Variants in DGKB observed in about 807,000 individuals in gnomAD.
The protein encoded by DGKB is 90 kDa diacylglycerol kinase.
DGKB carries 67 observed loss-of-function variants against 114.3 expected under a neutral mutation model. The ratio of observed to expected loss-of-function variants is 0.59; its 90% CI spans 0.48 to 0.72. The LOEUF is 0.72. Among genes scored for constraint, DGKB ranks in the 30% least tolerant of loss-of-function variants. The probability of loss-of-function intolerance (pLI) is 0.00; values close to 1 mark genes in which losing one functional copy is unlikely to be tolerated. For synonymous variants in DGKB, 398 were observed against 323.1 expected (o/e 1.23, Z -2.49); for missense variants, 907 against 975.2 (o/e 0.93, Z 0.93).
At chr7:14,814,427 T>A (rs1352783011) in intron 2 of DGKB, among the ~76,000 whole-genome samples, 1 of 152,208 alleles carries the variant, frequency 6.6e-6, no homozygotes, top group Non-Finnish European at 1.5e-5. Flanking sequence ...CCCTTCTTGC[T>A]GTATGAAAAA....
intron 6 of DGKB, among the ~76,000 whole-genome samples, chr7:14,711,972 C>T (rs1046754168): frequency 6.6e-6 from 1 of 152,106 alleles, no homozygotes; most frequent in Non-Finnish European, 1.5e-5. Context: ...ACAACTACTA[C>T]CATCAGAAAA....
chr7:14,857,029 C>T (rs1246063920), intron 1 of DGKB, among the ~76,000 whole-genome samples: 1 of 152,058 alleles, frequency 6.6e-6, no homozygotes, highest in East Asian at 1.9e-4. Flanking sequence ...GATGTCATTC[C>T]CTACATTAGA....
At chr7:14,390,177 C>T (rs565918888) in intron 21 of DGKB, among the ~76,000 whole-genome samples, 2 of 152,226 alleles carry the variant, frequency 1.3e-5, no homozygotes, top group South Asian at 4.1e-4. Flanking sequence ...GCTAGAGAGT[C>T]TCTCATTATT....
chr7:14,501,776 G>C (rs796240789), intron 20 of DGKB, among the ~76,000 whole-genome samples: 58 of 151,958 alleles, frequency 3.8e-4, no homozygotes, highest in African/African-American at 1.3e-3. Flanking sequence ...TATATATGGG[G>C]TGCAGATAAT....
chr7:14,636,477 C>T (rs1810774560), intron 13 of DGKB, among the ~76,000 whole-genome samples: 1 of 151,786 alleles, frequency 6.6e-6, no homozygotes, highest in Admixed American at 6.6e-5. Flanking sequence ...TCTGCATGCA[C>T]AGTTTATATT....
At chr7:14,383,285 G>T (rs1276932790) in intron 21 of DGKB, among the ~76,000 whole-genome samples, 1 of 152,128 alleles carries the variant, frequency 6.6e-6, no homozygotes, top group Non-Finnish European at 1.5e-5. Context: ...CGGTACACCA[G>T]TTCCTAAAGC....
intron 1 of DGKB, among the ~76,000 whole-genome samples, chr7:14,846,289 C>T (rs944286530): frequency 6.6e-6 from 1 of 152,120 alleles, no homozygotes; most frequent in African/African-American, 2.4e-5. Flanking sequence ...CTAGTGTAAG[C>T]CATTGGTTTC....
intron 20 of DGKB, among the ~76,000 whole-genome samples, chr7:14,508,766 AT>A (rs1787512667): frequency 6.6e-6 from 1 of 152,136 alleles, no homozygotes; most frequent in African/African-American, 2.4e-5. Flanking sequence ...CCTATTTAAT[AT>A]GTTTCTCAAT....
chr7:14,273,103 G>A (rs1456651350), intron 23 of DGKB, among the ~76,000 whole-genome samples: 1 of 152,140 alleles, frequency 6.6e-6, no homozygotes, highest in Non-Finnish European at 1.5e-5. Context: ...CCAGCACTTT[G>A]GGAGGTGGAG....
chr7:14,318,291 CTAAT>C (rs1024225020), intron 23 of DGKB, among the ~76,000 whole-genome samples: 4 of 147,196 alleles, frequency 2.7e-5, no homozygotes, highest in Non-Finnish European at 6.0e-5. Context: ...CAAATGGGAT[CTAAT>C]TAAACTAAAG....
At chr7:14,900,528 G>C (rs1375932760) in intron 1 of DGKB, among the ~76,000 whole-genome samples, 1 of 151,996 alleles carries the variant, frequency 6.6e-6, no homozygotes, top group East Asian at 1.9e-4. Flanking sequence ...TAGATTTCGC[G>C]ATCAGCAGCT....
At position 14,621,365 on chromosome 7, in the gene DGKB, TA is replaced by T. The variant is rs1393456019; in HGVS notation, c.1284+12del. ...TATGAAACCTACTAAAATTTTGATT[TA>T]AAAAATCATACCTGCAGGCCTTGTC... On this transcript the variant is annotated intron_variant, in intron 15 of 25. Coordinates refer to ENST00000402815, the MANE Select transcript of DGKB (RefSeq NM_001350709.2). 10 of 1,560,904 alleles carry T rather than the reference TA, an allele frequency of 6.4e-6. No individual in the cohort carries two copies. The highest frequency in any genetic ancestry group is 2.3e-5 in the East Asian group (1 of 44,304).
At chr7:14,954,189 A>G (rs1450210779) in intron 1 of DGKB, among the ~76,000 whole-genome samples, 1 of 152,020 alleles carries the variant, frequency 6.6e-6, no homozygotes, top group Admixed American at 6.6e-5. Flanking sequence ...TGTCTTCTCT[A>G]CCTTCAAACT....
intron 23 of DGKB, among the ~76,000 whole-genome samples, chr7:14,273,072 T>A (rs966594161): frequency 6.6e-6 from 1 of 152,052 alleles, no homozygotes; most frequent in African/African-American, 2.4e-5. Context: ...GGGTCTAGCA[T>A]GGTGACTCAT....
intron 13 of DGKB, among the ~76,000 whole-genome samples, chr7:14,655,397 C>T (rs937004473): frequency 6.6e-6 from 1 of 151,568 alleles, no homozygotes; most frequent in Non-Finnish European, 1.5e-5. Flanking sequence ...GAAATACTGG[C>T]TAGGATGCAG....
intron 4 of DGKB, among the ~76,000 whole-genome samples, chr7:14,747,755 G>T (rs1833514713): frequency 6.8e-6 from 1 of 146,894 alleles, no homozygotes; most frequent in African/African-American, 2.6e-5. Context: ...GAATTGCTGT[G>T]GGCTCAAACA....
chr7:14,211,243 G>A (rs565501466), intron 23 of DGKB, among the ~76,000 whole-genome samples: 1 of 152,116 alleles, frequency 6.6e-6, no homozygotes, highest in African/African-American at 2.4e-5. Flanking sequence ...TATTTGAAAC[G>A]TGTGACCATT....
intron 23 of DGKB, among the ~76,000 whole-genome samples, chr7:14,238,906 G>A (rs557052718): frequency 1.3e-5 from 2 of 152,056 alleles, no homozygotes; most frequent in South Asian, 4.2e-4. Flanking sequence ...TTTATTTGTT[G>A]TTTTTACTAG....
chr7:14,493,219 G>A (rs1438245226), intron 20 of DGKB, among the ~76,000 whole-genome samples: 3 of 151,952 alleles, frequency 2.0e-5, no homozygotes, highest in Non-Finnish European at 4.4e-5. Flanking sequence ...TGAAACAATG[G>A]ATGCTAATAC....
Sources: allele counts gnomAD v4.1 joint callset (sites outside exome capture counted in the v4.1 genomes callset), GRCh38; gene constraint gnomAD v4.1.1; transcripts MANE v1.5; gene names NCBI Gene and HGNC (gene_info 2026-07-23, HGNC 2026-07-21).